Variants in ZNF676 observed in about 807,000 individuals in gnomAD.
ZNF676 encodes zinc finger protein 676.
ZNF676 carries 4 observed loss-of-function variants against 6.0 expected under a neutral mutation model. The ratio of observed to expected loss-of-function variants is 0.67; its 90% CI spans 0.33 to 1.53. The LOEUF (loss-of-function observed/expected upper bound fraction) is 1.53, where lower values mean the gene tolerates loss of function less well. Among genes scored for constraint, ZNF676 ranks in the 40% most tolerant of loss-of-function variants. The pLI, the probability that ZNF676 is intolerant of heterozygous loss-of-function variation, is 0.06. For missense variants in ZNF676, 644 were observed against 679.7 expected, an observed-to-expected ratio of 0.95 and a Z score of 0.58; for synonymous variants, 198 against 223.1, an observed-to-expected ratio of 0.89 and a Z score of 1.00.
the ZNF676 span, chr19:22,259,631 G>A: frequency 6.6e-6 from 1 of 152,054 alleles, no homozygotes; most frequent in African/African-American, 2.4e-5. Context: ...TCTCTCCTAT[G>A]GGCAAAGAGC....
At chr19:22,255,268 A>AG in the ZNF676 span, among the ~76,000 whole-genome samples, 10 of 152,064 alleles carry the variant, frequency 6.6e-5, 1 homozygote, top group East Asian at 7.8e-4. Context: ...GAACCTCAAA[A>AG]TTGGCTGGGT....
At chr19:22,249,734 AT>A in the ZNF676 span, among the ~76,000 whole-genome samples, 2 of 147,468 alleles carry the variant, frequency 1.4e-5, no homozygotes, top group Admixed American at 1.4e-4. Context: ...TTTTAAATAA[AT>A]TAAACATTGG....
intron 2 of ZNF676, among the ~76,000 whole-genome samples, chr19:22,185,426 A>T (rs550628974): frequency 6.6e-6 from 1 of 152,124 alleles, no homozygotes; most frequent in South Asian, 2.1e-4. Flanking sequence ...CAGTGCAAAA[A>T]GGCTGAAAAT....
the ZNF676 span, among the ~76,000 whole-genome samples, chr19:22,250,718 T>TC: frequency 1.3e-5 from 2 of 151,364 alleles, no homozygotes; most frequent in East Asian, 3.9e-4. Flanking sequence ...GTCATTTCTT[T>TC]TTTTTTTTTT....
At chr19:22,241,246 T>A in the ZNF676 span, among the ~76,000 whole-genome samples, 1 of 151,902 alleles carries the variant, frequency 6.6e-6, no homozygotes, top group Non-Finnish European at 1.5e-5. Flanking sequence ...AAATTAACAA[T>A]CCCACACATG....
At chr19:22,235,121 C>CAGGAAGGAAGGAAGGAAGGAAGGAAGGA in the ZNF676 span, among the ~76,000 whole-genome samples, 3 of 131,704 alleles carry the variant, frequency 2.3e-5, 1 homozygote, top group African/African-American at 8.8e-5. Flanking sequence ...GGCAGGAAGG[C>CAGGAAGGAAGGAAGGAAGGAAGGAAGGA]AGGAAGGAAG....
chr19:22,241,158 G>A, the ZNF676 span, among the ~76,000 whole-genome samples: 18 of 152,058 alleles, frequency 1.2e-4, no homozygotes, highest in South Asian at 2.7e-3. Flanking sequence ...GGGCTGGACC[G>A]AGGCTGGGAA....
intron 2 of ZNF676, 25 bp from the exon 3 acceptor site, chr19:22,181,611 T>A (rs1568525426): frequency 5.4e-6 from 8 of 1,471,320 alleles, no homozygotes; most frequent in Non-Finnish European, 7.2e-6. Flanking sequence ...AAATAACAAA[T>A]TAATCTACAT....
rs2023722186 is a variant in ZNF676, at chr19:22,180,563, G to A, written c.1154C>T (p.Ala385Val). ...GTAGGGCTTCTCTTCAGCATGAATT[G>A]CCTTATGTGTATTAAGGGTTGAGAC... Reference protein sequence around the residue: ...SKVSTLNTHKAIHAEEKPYKC... With the variant: ...SKVSTLNTHKVIHAEEKPYKC... Residue 385 changes from alanine to valine, a missense_variant, in exon 3 of 3, where the codon GCA becomes GTA. By Grantham distance (64) the Ala-to-Val change is moderately conservative. Transcript: ENST00000397121. 2 of 1,608,604 alleles carry A rather than the reference G, an allele frequency of 1.2e-6. No homozygotes were observed. The highest frequency in any genetic ancestry group is 1.7e-6 in the Non-Finnish European group (2 of 1,178,670).
intron 1 of ZNF676, among the ~76,000 whole-genome samples, chr19:22,212,649 G>A (rs2024141058): frequency 6.6e-6 from 1 of 151,970 alleles, no homozygotes; most frequent in African/African-American, 2.4e-5. Flanking sequence ...AGGTTGCAGT[G>A]AGCCGAGATT....
chr19:22,230,223 T>C, the ZNF676 span, among the ~76,000 whole-genome samples: 4 of 152,156 alleles, frequency 2.6e-5, no homozygotes, highest in Non-Finnish European at 5.9e-5. Flanking sequence ...CTGGAAACCA[T>C]AATTCTCAGC....
At chr19:22,239,545 A>C in the ZNF676 span, among the ~76,000 whole-genome samples, 1 of 152,154 alleles carries the variant, frequency 6.6e-6, no homozygotes, top group South Asian at 2.1e-4. Context: ...TTATATGTGA[A>C]GGTGACAATA....
chr19:22,250,320 C>T, the ZNF676 span, among the ~76,000 whole-genome samples: 4 of 151,850 alleles, frequency 2.6e-5, no homozygotes, highest in South Asian at 8.3e-4. Flanking sequence ...TTTGAATAAA[C>T]TACAAGAAAA....
At chr19:22,200,769 C>T (rs1187089409), upstream of ZNF676, among the ~76,000 whole-genome samples, 3 of 151,978 alleles carry the variant, frequency 2.0e-5, no homozygotes, top group Non-Finnish European at 4.4e-5. Flanking sequence ...AAGCTGGTCT[C>T]GAACTCCTGA....
chr19:22,253,466 GTA>G, the ZNF676 span, among the ~76,000 whole-genome samples: 2 of 128,570 alleles, frequency 1.6e-5, no homozygotes, highest in African/African-American at 6.1e-5. Context: ...GATAATGTGT[GTA>G]TATATATGAT....
chr19:22,247,096 C>A, the ZNF676 span, among the ~76,000 whole-genome samples: 1 of 152,136 alleles, frequency 6.6e-6, no homozygotes, highest in East Asian at 1.9e-4. Context: ...ACTGCAGCAC[C>A]AATTAGCCAA....
the ZNF676 span, among the ~76,000 whole-genome samples, chr19:22,249,251 T>G: frequency 6.6e-6 from 1 of 152,168 alleles, no homozygotes; most frequent in African/African-American, 2.4e-5. Flanking sequence ...AATGTTAATT[T>G]TTTTGGCCTA....
At chr19:22,252,793 A>G in the ZNF676 span, among the ~76,000 whole-genome samples, 1 of 152,220 alleles carries the variant, frequency 6.6e-6, no homozygotes, top group Non-Finnish European at 1.5e-5. Context: ...CTCTATGGGC[A>G]GAACCAAGAC....
the ZNF676 span, among the ~76,000 whole-genome samples, chr19:22,235,121 C>CAGGAAGGAAGGAAGGA: frequency 4.9e-3 from 640 of 131,792 alleles, 14 homozygotes; most frequent in African/African-American, 0.017. Context: ...GGCAGGAAGG[C>CAGGAAGGAAGGAAGGA]AGGAAGGAAG....
Sources: gnomAD v4.1 joint callset for allele counts (sites outside exome capture counted in the v4.1 genomes callset) on GRCh38, gnomAD v4.1.1 for gene constraint, MANE v1.5 for transcripts, NCBI Gene and HGNC (gene_info 2026-07-23, HGNC 2026-07-21) for gene names.